The following VILL variants were observed in gnomAD, a reference collection of about 807,000 sequenced individuals.
VILL encodes the protein villin-like protein.
VILL carries 102 observed loss-of-function variants against 106.3 expected under a neutral mutation model. That is an observed-to-expected ratio of 0.96 (90% CI 0.82 to 1.13). VILL has a LOEUF of 1.13. Among genes scored for constraint, VILL ranks in the 50% most tolerant of loss-of-function variants. The pLI is 0.00. For synonymous variants in VILL, 431 were observed against 440.3 expected, an observed-to-expected ratio of 0.98 and a Z score of 0.27; for missense variants, 1,076 against 1,116.6, an observed-to-expected ratio of 0.96 and a Z score of 0.52.
rs1219730069 is a variant in VILL, at chr3:38,001,149, G to A, written c.1183-307G>A. The A allele has an allele frequency of 5.6e-6, 3 of 539,336 alleles. No individual in the cohort carries two copies. In the Admixed American group the frequency reaches 7.9e-5, roughly 14 times the overall value. 33.4% of individuals were successfully genotyped at this position (539,336 alleles called of 1,614,324 possible). ...CCTGAGCAGCGAGCAGCTGGGAGGG[G>A]ACTGAACTGCCCCTAACCAGGGTTG... is the stretch of plus-strand genomic sequence containing the variant. On this transcript the variant is annotated intron_variant, in intron 11 of 19. Coordinates refer to ENST00000383759, the MANE Select transcript of VILL (RefSeq NM_015873.4).
rs1255574597 is a variant in VILL at position 37,994,319 on chromosome 3, G to A, written c.194G>A (p.Gly65Glu). ...TCCAGCGACCTGCACTACTGGGTCG[G>A]GAAGCAGGCGGGTGCGGAAGCGCAG... ...GASSDLHYWV[G>E]KQAGAEAQGA... Residue 65 changes from glycine (G) to glutamate (E), a missense_variant, in exon 4 of 20, where the codon GGG becomes GAG. Gly to Glu is a moderately conservative substitution (Grantham distance 98, BLOSUM62 -2). Coordinates refer to ENST00000383759, the MANE Select transcript of VILL (RefSeq NM_015873.4). The A allele has an allele frequency of 6.2e-7, 1 of 1,611,766 alleles. No homozygotes were observed. Among genetic ancestry groups the A allele is most frequent in the African/African-American group, 1.3e-5 (1 of 74,944 alleles).
At chr3:38,004,102 C>T (rs943427291) in intron 15 of VILL, 153 bp from the exon 16 acceptor site, 184 of 967,676 alleles carry the variant, frequency 1.9e-4, no homozygotes, top group Non-Finnish European at 2.6e-4. Flanking sequence ...CAGAGCAGAG[C>T]GGAGTGCTCG....
rs1387543432 is a variant in VILL at position 37,997,819 on chromosome 3, C to T, written c.764+134C>T. 2 of 1,042,850 alleles carry T rather than the reference C, an allele frequency of 1.9e-6. No homozygotes were observed. Among genetic ancestry groups the T allele is most frequent in the African/African-American group, 3.2e-5 (2 of 62,456 alleles). 64.6% of individuals were successfully genotyped at this position (1,042,850 alleles called of 1,614,324 possible). A position where few individuals can be genotyped will look rare whatever the true frequency, so the allele number is the denominator to read the frequency against. On this transcript the variant is annotated intron_variant, in intron 7 of 19. Transcript: ENST00000383759. This position sits in a 1 kb window ranked among gnomAD's most constrained non-coding sequence, Gnocchi z 4.7. ...GGGTTTCTGGGACAGGTCATGTGGA[C>T]CGTGGGTCCAGCCTGTACTCTTCCA...
rs781359161 is a variant in VILL, at chr3:37,998,206, C to G, written c.843+38C>G. The stretch of plus-strand genomic sequence containing the variant: ...TGGCCCCAGCTACTTGCATCCTTCC[C>G]CATCCACAACCCCAGCCCAGTCTGG... On this transcript the variant is annotated intron_variant, in intron 8 of 19. Coordinates refer to ENST00000383759, the MANE Select transcript of VILL (RefSeq NM_015873.4). This position sits in a 1 kb window ranked among gnomAD's most constrained non-coding sequence, Gnocchi z 4.1. The G allele has an allele frequency of 1.2e-6, 2 of 1,613,668 alleles. No individual in the cohort carries two copies. Among genetic ancestry groups the G allele is most frequent in the Admixed American group, 3.3e-5 (2 of 59,992 alleles).
At position 38,006,514 on chromosome 3, in the gene VILL, G is replaced by A; in HGVS notation, c.2271G>A (p.Gln757=). 1 of 1,612,216 alleles carries A rather than the reference G, an allele frequency of 6.2e-7. No individual in the cohort carries two copies. Among genetic ancestry groups the A allele is most frequent in the Non-Finnish European group, 8.5e-7 (1 of 1,178,472 alleles). The stretch of plus-strand genomic sequence containing the variant: ...GCAGGGCAGGTGCCGTGGCCCTGCA[G>A]GCCCTCAAGGGCTCCCAGGACAGCT... ...GNGRAGAVAL[Q]ALKGSQDSSE... Residue 757 remains glutamine, a synonymous_variant, in exon 19 of 20, where the codon CAG becomes CAA. Coordinates refer to ENST00000383759, the MANE Select transcript of VILL (RefSeq NM_015873.4).
chr3:37,994,079 G>C, intron 3 of VILL, 107 bp downstream of exon 3: 1 of 1,487,742 alleles, frequency 6.7e-7, no homozygotes, highest in Non-Finnish European at 9.4e-7. Context: ...GTTGAGAGCC[G>C]GAGAATCACA....
chr3:37,995,916 G>C, intron 5 of VILL, 69 bp downstream of exon 5: 7 of 1,354,924 alleles, frequency 5.2e-6, no homozygotes, highest in Non-Finnish European at 7.3e-6. Context: ...GGTATAAGGA[G>C]GTTGGAAATT....
At chr3:37,996,319 A>G (rs953208852) in intron 5 of VILL, among the ~76,000 whole-genome samples, 1 of 152,146 alleles carries the variant, frequency 6.6e-6, no homozygotes, top group Non-Finnish European at 1.5e-5. Context: ...TGTCACCTAT[A>G]TGCACACACA....
rs114739948 is a variant in VILL, at chr3:38,004,646, T to C, written c.1950+247T>C. Reference sequence around the variant, plus strand: ...ACTCAGGGGTAACTGAGACCATGTTTGCAGTTGTGTGTGGCCCTGTGTGCC... The same window carrying C: ...ACTCAGGGGTAACTGAGACCATGTTCGCAGTTGTGTGTGGCCCTGTGTGCC... On this transcript the variant is annotated intron_variant, in intron 16 of 19. Transcript: ENST00000383759. Among the ~76,000 whole-genome samples the C allele has an allele frequency of 1.1e-3, 175 of 152,294 alleles. 1 individual carries two copies. Among genetic ancestry groups the C allele is most frequent in the Non-Finnish European group, 1.9e-3 (127 of 68,008 alleles).
At chr3:38,004,196 T>C in intron 15 of VILL, 59 bp from the exon 16 acceptor site, 1 of 1,559,868 alleles carries the variant, frequency 6.4e-7, no homozygotes. Flanking sequence ...GGGGCACTTG[T>C]GCCATGGGCT....
At chr3:38,006,727 C>T (rs1366196562) in intron 19 of VILL, 27 bp downstream of exon 19, 6 of 1,581,916 alleles carry the variant, frequency 3.8e-6, no homozygotes, top group South Asian at 1.2e-5. Flanking sequence ...TGCCCCAGCA[C>T]TAGTGCATCT....
chr3:37,999,066 G>A lies in VILL; in HGVS notation c.1081+16G>A. The A allele has an allele frequency of 1.5e-6, 2 of 1,335,374 alleles. No individual in the cohort carries two copies. The highest frequency in any genetic ancestry group is 1.0e-6 in the Non-Finnish European group (1 of 1,000,044). The allele number at this position is 1,335,374 out of a possible 1,614,324, so 82.7% of individuals were successfully genotyped here. On this transcript the variant is annotated intron_variant, in intron 10 of 19. Transcript: ENST00000383759. The stretch of plus-strand genomic sequence containing the variant: ...GGCGGGAGGGGTGAGCGGGCGGGGC[G>A]GGGCTGACGGGGGCGGGGCGGGACT...
chr3:37,997,486 C>T lies in VILL; in HGVS notation c.565C>T (p.Leu189=), dbSNP rs1428972241. The T allele has an allele frequency of 1.9e-6, 3 of 1,613,666 alleles. No homozygotes were observed. In the South Asian group the frequency reaches 3.3e-5, roughly 18 times the overall value. The part of the protein sequence containing the change: ...KTSISEKARG[L]ALTYSLRDRE... ...ACTCCCAGGTCCTCTCCCGCAGGGG[C>T]TGGCTTTGACCTACAGCCTCCGGGA... The change falls in exon 7 of 20, where the codon CTG becomes TTG. Residue 189 remains leucine, a synonymous_variant. Transcript: ENST00000383759. This position sits in a 1 kb window ranked among gnomAD's most constrained non-coding sequence, Gnocchi z 4.7.
Position 38,006,219 on chromosome 3 carries a change from G to C in VILL, c.2172G>C (p.Pro724=), listed in dbSNP as rs774099760. The change falls in exon 18 of 20, where the codon CCG becomes CCC. Residue 724 remains proline, a synonymous_variant. Coordinates refer to ENST00000383759, the MANE Select transcript of VILL (RefSeq NM_015873.4). Reference sequence around the variant, plus strand: ...ACAAGGAAGTGGTGGATGGCAGCCCGGCAGCAGCATCAACCATCTCTGAGA... The same window carrying C: ...ACAAGGAAGTGGTGGATGGCAGCCCCGCAGCAGCATCAACCATCTCTGAGA... ...PSHKEVVDGS[P]AAASTISEIT... is the part of the protein sequence containing the mutation. The C allele has an allele frequency of 6.2e-7, 1 of 1,614,182 alleles. No homozygotes were observed. The highest frequency in any genetic ancestry group is 1.7e-5 in the Admixed American group (1 of 60,028).
In VILL at chr3:38,007,076, C is replaced by G; in HGVS notation, c.*21C>G. ...TCTGAACCCAAGCCCTCTCGACTGC[C>G]CCTATCCCCTGGACCCCAACATACC... On this transcript the variant is annotated 3_prime_UTR_variant, in exon 20 of 20. Transcript: ENST00000383759. The G allele has an allele frequency of 6.3e-7, 1 of 1,598,966 alleles. No individual in the cohort carries two copies. Among genetic ancestry groups the G allele is most frequent in the South Asian group, 1.1e-5 (1 of 90,654 alleles).
chr3:38,004,406 T>G lies in VILL; in HGVS notation c.1950+7T>G, dbSNP rs1439340614. On this transcript the variant is annotated splice_region_variant and intron_variant, in intron 16 of 19. Transcript: ENST00000383759. ...ACTGGACACCTGGCAGGAGGTAAGG[T>G]GGCCATCCCTGCCTGGTGGGGCTGT... The G allele has an allele frequency of 3.1e-6, 5 of 1,601,290 alleles. No individual in the cohort carries two copies. In the African/African-American group the frequency reaches 6.7e-5, roughly 21 times the overall value.
At position 37,997,575 on chromosome 3, in the gene VILL, C is replaced by T; in HGVS notation, c.654C>T (p.Asp218=). 6.2e-7 allele frequency: 1 copy of T among 1,614,110 alleles called. No homozygotes were observed. Among genetic ancestry groups the T allele is most frequent in the East Asian group, 2.2e-5 (1 of 44,884 alleles). Residue 218 remains aspartate, a synonymous_variant, in exon 7 of 20, where the codon GAC becomes GAT. Coordinates refer to ENST00000383759, the MANE Select transcript of VILL (RefSeq NM_015873.4). This position sits in a 1 kb window ranked among gnomAD's most constrained non-coding sequence, Gnocchi z 4.7. ...GVVDDEAKAP[D]LMQIMEAVLG... is the part of the protein sequence containing the mutation. ...TGGATGATGAGGCCAAAGCCCCGGA[C>T]CTCATGCAGATCATGGAGGCTGTGC...
intron 5 of VILL, 85 bp from the exon 6 acceptor site, chr3:37,996,992 A>G: frequency 8.2e-7 from 1 of 1,214,690 alleles, no homozygotes; most frequent in Non-Finnish European, 1.2e-6. Flanking sequence ...ATACAGCTTC[A>G]TGCACACGTG....
At position 37,999,065 on chromosome 3, in the gene VILL, C is replaced by CGGGCGGGGA; in HGVS notation, c.1081+18_1081+19insCGGGGAGGG. ...CGGCGGGAGGGGTGAGCGGGCGGGG[C>CGGGCGGGGA]GGGGCTGACGGGGGCGGGGCGGGAC... On this transcript the variant is annotated intron_variant, in intron 10 of 19. Transcript: ENST00000383759. The CGGGCGGGGA allele has an allele frequency of 6.9e-6, 1 of 145,646 alleles. No homozygotes were observed. The highest frequency in any genetic ancestry group is 1.2e-5 in the Non-Finnish European group (1 of 86,938). 9.0% of individuals were successfully genotyped at this position (145,646 alleles called of 1,614,324 possible).
Sources: allele counts gnomAD v4.1 joint callset (sites outside exome capture counted in the v4.1 genomes callset), GRCh38; gene constraint gnomAD v4.1.1; non-coding constraint Gnocchi (gnomAD v3.1); transcripts MANE v1.5; gene names NCBI Gene and HGNC (gene_info 2026-07-23, HGNC 2026-07-21).